MITF: variants seen among roughly 807,000 people sequenced by gnomAD.
The protein encoded by MITF is melanocyte inducing transcription factor.
In MITF, 17 loss-of-function variants were observed where a neutral mutation model predicts 60.5. That is an observed-to-expected ratio of 0.28 (90% CI 0.19 to 0.42). MITF has a LOEUF of 0.42. Among genes scored for constraint, MITF ranks in the 10% least tolerant of loss-of-function variants. MITF has a pLI of 1.00. For missense variants in MITF, 622 were observed against 683.5 expected, an observed-to-expected ratio of 0.91 and a Z score of 1.00; for synonymous variants, 260 against 248.5, an observed-to-expected ratio of 1.05 and a Z score of -0.43.
At chr3:69,939,507 G>T (rs1000236438) in intron 4 of MITF, among the ~76,000 whole-genome samples, 10 of 152,028 alleles carry the variant, frequency 6.6e-5, no homozygotes, top group African/African-American at 2.4e-4. Flanking sequence ...AGCAATTTTT[G>T]TATTAGTAAA....
chr3:69,866,398 G>GT (rs903004953), intron 1 of MITF: 237 of 1,605,902 alleles, frequency 1.5e-4, no homozygotes, highest in African/African-American at 4.6e-4. Context: ...AAGAGGAGCA[G>GT]TTTTTTTTCT....
In MITF at chr3:69,739,692, T is replaced by A. The variant is rs769488240; in HGVS notation, c.95T>A (p.Leu32Gln). The change falls in exon 1 of 10, where the codon CTG (leucine) becomes CAG (glutamine). Residue 32 changes from leucine (L) to glutamine (Q), a missense_variant. This residue lies in a region of MITF where 149 missense variants were observed against 157.8 expected (regional missense o/e 0.94). Coordinates refer to ENST00000352241, the MANE Select transcript of MITF (RefSeq NM_001354604.2). ...KTYYELKSQP[L>Q]KSSSSAEHPG... ...TATTACGAACTCAAAAGTCAACCGC[T>A]GAAGAGCAGGTGAGTGGTGACAGCT... 1 of 1,569,572 alleles carries A rather than the reference T, an allele frequency of 6.4e-7. No homozygotes were observed. Among genetic ancestry groups the A allele is most frequent in the Non-Finnish European group, 8.7e-7 (1 of 1,155,326 alleles).
At chr3:69,860,335 G>C (rs1208226687) in intron 1 of MITF, among the ~76,000 whole-genome samples, 1 of 152,024 alleles carries the variant, frequency 6.6e-6, no homozygotes, top group African/African-American at 2.4e-5. Context: ...GGCTGGGCGC[G>C]GTGGCTCACG....
At chr3:69,799,839 T>G (rs1162860869) in intron 1 of MITF, among the ~76,000 whole-genome samples, 1 of 152,204 alleles carries the variant, frequency 6.6e-6, no homozygotes, top group African/African-American at 2.4e-5. Flanking sequence ...CAAAGAAACC[T>G]ATACTGGGAC....
chr3:69,827,772 G>T (rs2107080726), intron 1 of MITF, among the ~76,000 whole-genome samples: 1 of 151,612 alleles, frequency 6.6e-6, no homozygotes, highest in East Asian at 1.9e-4. Context: ...TGTCAAATCA[G>T]CAAACTGGCA....
At chr3:69,746,224 C>G (rs774437145) in intron 1 of MITF, among the ~76,000 whole-genome samples, 1 of 152,154 alleles carries the variant, frequency 6.6e-6, no homozygotes, top group Non-Finnish European at 1.5e-5. Context: ...GTTTAATTCC[C>G]TTTGAGTTCT....
chr3:69,813,428 C>A (rs531343611), intron 1 of MITF, among the ~76,000 whole-genome samples: 11 of 152,174 alleles, frequency 7.2e-5, no homozygotes, highest in Non-Finnish European at 1.6e-4. Flanking sequence ...CTTACAAATT[C>A]AGCTTATGTG....
At chr3:69,846,171 AGAGATCTAAATTAAAT>A (rs1319751644) in intron 1 of MITF, among the ~76,000 whole-genome samples, 10 of 139,376 alleles carry the variant, frequency 7.2e-5, no homozygotes, top group African/African-American at 2.3e-4. Flanking sequence ...AAATTAATTG[AGAGATCTAAATTAAAT>A]GAGATCTAAA....
intron 1 of MITF, among the ~76,000 whole-genome samples, chr3:69,779,520 G>C (rs2062529018): frequency 6.6e-6 from 1 of 152,112 alleles, no homozygotes; most frequent in South Asian, 2.1e-4. Context: ...AGTGTGCAAA[G>C]TACATTAGAA....
At chr3:69,923,167 A>G (rs2065507245) in intron 2 of MITF, among the ~76,000 whole-genome samples, 1 of 152,212 alleles carries the variant, frequency 6.6e-6, no homozygotes, top group Admixed American at 6.5e-5. Flanking sequence ...TGAATCCTGT[A>G]AATAACTCAT....
intron 1 of MITF, among the ~76,000 whole-genome samples, chr3:69,874,945 T>C (rs1019727902): frequency 2.0e-5 from 3 of 152,212 alleles, no homozygotes; most frequent in East Asian, 1.9e-4. Context: ...GCTTTGAAGG[T>C]TAAGAATGTA....
chr3:69,897,580 A>G (rs1210024154), intron 2 of MITF, among the ~76,000 whole-genome samples: 2 of 152,176 alleles, frequency 1.3e-5, no homozygotes, highest in East Asian at 1.9e-4. Flanking sequence ...TTCACACTAC[A>G]ATGACAGATT....
At chr3:69,887,779 G>T (rs2107307858) in intron 2 of MITF, among the ~76,000 whole-genome samples, 1 of 152,136 alleles carries the variant, frequency 6.6e-6, no homozygotes, top group East Asian at 1.9e-4. Context: ...ATTGGAAGCG[G>T]TGGTGGTCAA....
At chr3:69,778,208 T>G (rs762761238) in intron 1 of MITF, among the ~76,000 whole-genome samples, 17 of 152,110 alleles carry the variant, frequency 1.1e-4, no homozygotes, top group African/African-American at 3.6e-4. Context: ...ATGGTGCTGT[T>G]CATGGAGATG....
In MITF at chr3:69,939,432, A is replaced by G. The variant is rs535973391; in HGVS notation, c.666+251A>G. Among the ~76,000 whole-genome samples, 43 of 152,166 alleles carry G rather than the reference A, an allele frequency of 2.8e-4. No individual in the cohort carries two copies. In the South Asian group the frequency reaches 5.6e-3, roughly 20 times the overall value. On this transcript the variant is annotated intron_variant, in intron 4 of 9. Transcript: ENST00000352241. ...ATTAAAAACTTCTTAAAGTACATAAATTTTAATAAGATATGAAATATGTAC... is the reference window on the plus strand; with the variant it reads ...ATTAAAAACTTCTTAAAGTACATAAGTTTTAATAAGATATGAAATATGTAC...
chr3:69,830,340 G>A (rs2063425723), intron 1 of MITF, among the ~76,000 whole-genome samples: 1 of 152,064 alleles, frequency 6.6e-6, no homozygotes, highest in African/African-American at 2.4e-5. Context: ...AGCTCACCTG[G>A]GTGTGTACTT....
At chr3:69,929,256 G>A (rs540023221) in intron 2 of MITF, among the ~76,000 whole-genome samples, 42 of 152,320 alleles carry the variant, frequency 2.8e-4, no homozygotes, top group Middle Eastern at 6.8e-3. Context: ...CCCACAGTGT[G>A]CCAAGCTGTG....
intron 1 of MITF, among the ~76,000 whole-genome samples, chr3:69,794,741 G>A (rs1160192828): frequency 6.6e-6 from 1 of 152,192 alleles, no homozygotes; most frequent in Non-Finnish European, 1.5e-5. Flanking sequence ...CACAGTAGAA[G>A]ATTCCCTTTT....
intron 1 of MITF, among the ~76,000 whole-genome samples, chr3:69,798,304 T>G (rs1156442428): frequency 6.6e-6 from 1 of 152,196 alleles, no homozygotes; most frequent in African/African-American, 2.4e-5. Flanking sequence ...CTTTATTGAA[T>G]TCCTTCTATA....
Sources: gnomAD v4.1 joint callset for allele counts (sites outside exome capture counted in the v4.1 genomes callset) on GRCh38, gnomAD v4.1.1 for gene constraint, gnomAD v4.1.1 regional missense constraint, MANE v1.5 for transcripts, NCBI Gene and HGNC (gene_info 2026-07-23, HGNC 2026-07-21) for gene names.